The following GBE1 variants were observed in gnomAD, a reference collection of about 807,000 sequenced individuals.
The protein encoded by GBE1 is 1,4-alpha-glucan-branching enzyme.
Under a neutral mutation model 88.8 loss-of-function variants are expected in GBE1, and 70 were observed. That is an observed-to-expected ratio of 0.79 (90% CI 0.65 to 0.96). The LOEUF (loss-of-function observed/expected upper bound fraction) is 0.96. GBE1 is among the 40% of genes least tolerant of loss of function. The pLI is 0.00. For synonymous variants in GBE1, 284 were observed against 300.1 expected, an observed-to-expected ratio of 0.95 and a Z score of 0.56; for missense variants, 872 against 871.0, an observed-to-expected ratio of 1.00 and a Z score of -0.01.
intron 5 of GBE1, 68 bp from the exon 6 acceptor site, chr3:81,646,550 G>T: frequency 1.2e-6 from 1 of 839,928 alleles, no homozygotes. Flanking sequence ...GGGAAAAAAA[G>T]CATCCTTATT....
At chr3:81,598,584 T>A (rs1179503140) in intron 7 of GBE1, among the ~76,000 whole-genome samples, 1 of 151,956 alleles carries the variant, frequency 6.6e-6, no homozygotes, top group Non-Finnish European at 1.5e-5. Flanking sequence ...TCATAATTTG[T>A]ATAAGTTACA....
At position 81,578,049 on chromosome 3, in the gene GBE1, T is replaced by C. The variant is rs2106933905; in HGVS notation, c.1494A>G (p.Glu498=). The C allele has an allele frequency of 6.2e-7, 1 of 1,609,540 alleles. No homozygotes were observed. The highest frequency in any genetic ancestry group is 1.3e-5 in the African/African-American group (1 of 74,864). ...TCAGGACACTCATGTTTGTATACATTTCGGCATCCATCAACCAAAATGCCA... is the reference window on the plus strand; with the variant it reads ...TCAGGACACTCATGTTTGTATACATCTCGGCATCCATCAACCAAAATGCCA... The part of the protein sequence containing the change: ...KSLAFWLMDA[E]MYTNMSVLTP... The change falls in exon 12 of 16, where the codon GAA becomes GAG. Residue 498 remains glutamate, a synonymous_variant. Coordinates refer to ENST00000429644, the MANE Select transcript of GBE1 (RefSeq NM_000158.4).
At chr3:81,578,548 A>G (rs561533935) in intron 11 of GBE1, among the ~76,000 whole-genome samples, 1 of 151,418 alleles carries the variant, frequency 6.6e-6, no homozygotes, top group Admixed American at 6.6e-5. Flanking sequence ...TATGAGTAAT[A>G]TAATATGTGT....
intron 2 of GBE1, among the ~76,000 whole-genome samples, chr3:81,686,283 T>C (rs950139191): frequency 4.6e-5 from 7 of 152,028 alleles, no homozygotes; most frequent in African/African-American, 7.3e-5. Context: ...ATCTACAGCA[T>C]CTACTACAAC....
In GBE1 at chr3:81,761,468, G is replaced by C. The variant is rs1363157562; in HGVS notation, c.50C>G (p.Ala17Gly). ...PAARPEDYEA[A>G]LNAALADVPE... ...CACGTCAGCCAGGGCGGCATTGAGC[G>C]CCGCCTCGTAGTCCTCGGGCCGAGC... is the stretch of plus-strand genomic sequence containing the variant. The change falls in exon 1 of 16, where the codon GCG (alanine) becomes GGG (glycine). Residue 17 changes from alanine to glycine, a missense_variant. Physicochemically the swap from Ala to Gly is moderately conservative, Grantham distance 60. Transcript: ENST00000429644. 1 of 1,613,084 alleles carries C rather than the reference G, an allele frequency of 6.2e-7. No individual in the cohort carries two copies. Among genetic ancestry groups the C allele is most frequent in the Non-Finnish European group, 8.5e-7 (1 of 1,179,670 alleles).
intron 1 of GBE1, among the ~76,000 whole-genome samples, chr3:81,706,487 G>C (rs1324924686): frequency 6.6e-6 from 1 of 152,148 alleles, no homozygotes; most frequent in Non-Finnish European, 1.5e-5. Context: ...AGTAAACCAT[G>C]TGCCAGGTGC....
chr3:81,585,093 T>A (rs956316258), intron 10 of GBE1, among the ~76,000 whole-genome samples: 2 of 152,180 alleles, frequency 1.3e-5, no homozygotes, highest in African/African-American at 2.4e-5. Flanking sequence ...TTTGTTTTTA[T>A]GTTTTCTAAG....
intron 7 of GBE1, among the ~76,000 whole-genome samples, chr3:81,600,861 G>T (rs994441312): frequency 6.6e-6 from 1 of 152,022 alleles, no homozygotes; most frequent in East Asian, 1.9e-4. Flanking sequence ...GGTAGGGAAA[G>T]GTGAAAATAT....
intron 2 of GBE1, among the ~76,000 whole-genome samples, chr3:81,695,248 C>T (rs1705574837): frequency 6.6e-6 from 1 of 152,168 alleles, no homozygotes. Context: ...AGAAACAACC[C>T]AAATGACCAT....
chr3:81,751,823 T>C (rs1706531548), intron 1 of GBE1, among the ~76,000 whole-genome samples: 1 of 152,182 alleles, frequency 6.6e-6, no homozygotes, highest in African/African-American at 2.4e-5. Context: ...TCTGTACTGG[T>C]GTGTATATCT....
In GBE1 at chr3:81,646,391, C is replaced by A. The variant is rs772019263; in HGVS notation, c.782+1G>T. On this transcript the variant is annotated splice_donor_variant, in intron 6 of 15. Transcript: ENST00000429644. LOFTEE classifies it high-confidence loss of function. ...TGAACACAATGAGTCTCTGATTTTA[C>A]CTGGAAGCTGCAAAGAAGCTTGTGA... The A allele has an allele frequency of 6.4e-7, 1 of 1,574,366 alleles. No homozygotes were observed. The highest frequency in any genetic ancestry group is 1.2e-5 in the South Asian group (1 of 85,398).
At chr3:81,683,765 T>C (rs909068832) in intron 2 of GBE1, among the ~76,000 whole-genome samples, 12 of 152,208 alleles carry the variant, frequency 7.9e-5, no homozygotes, top group Non-Finnish European at 1.5e-4. Flanking sequence ...CAATGCCCTA[T>C]GTTATTATTT....
intron 2 of GBE1, among the ~76,000 whole-genome samples, chr3:81,686,613 G>A (rs924800707): frequency 6.6e-6 from 1 of 152,016 alleles, no homozygotes; most frequent in South Asian, 2.1e-4. Context: ...AAAATTACCC[G>A]TGTATGGTGG....
chr3:81,620,787 T>C (rs1704318244), intron 7 of GBE1, among the ~76,000 whole-genome samples: 3 of 152,112 alleles, frequency 2.0e-5, no homozygotes, highest in African/African-American at 7.2e-5. Context: ...GCGGGAAGAA[T>C]GTCAACCAGG....
intron 6 of GBE1, 45 bp from the exon 7 acceptor site, chr3:81,643,035 GAGGAAAC>G: frequency 7.7e-7 from 1 of 1,293,126 alleles, no homozygotes; most frequent in Non-Finnish European, 1.1e-6. Flanking sequence ...ATCACATTTA[GAGGAAAC>G]AGCCGATTGT....
At chr3:81,702,669 T>C (rs1229648690) in intron 2 of GBE1, among the ~76,000 whole-genome samples, 1 of 152,034 alleles carries the variant, frequency 6.6e-6, no homozygotes, top group Non-Finnish European at 1.5e-5. Flanking sequence ...TTTGAAATTA[T>C]GCAATACATC....
chr3:81,524,213 T>C (rs898919750), intron 14 of GBE1, among the ~76,000 whole-genome samples: 6 of 151,900 alleles, frequency 3.9e-5, no homozygotes, highest in Admixed American at 2.6e-4. Flanking sequence ...AGATTTCTCA[T>C]TGTAGGTTTG....
chr3:81,537,161 A>G, intron 12 of GBE1, 66 bp from the exon 13 acceptor site: 1 of 970,208 alleles, frequency 1.0e-6, no homozygotes, highest in South Asian at 2.5e-5. Context: ...ATAATAAATC[A>G]ATAATTATAT....
At chr3:81,706,757 T>C (rs1472468654) in intron 1 of GBE1, among the ~76,000 whole-genome samples, 1 of 151,686 alleles carries the variant, frequency 6.6e-6, no homozygotes. Flanking sequence ...CTCAAAAGAA[T>C]AAGAGCTGAA....
Sources: allele counts gnomAD v4.1 joint callset (sites outside exome capture counted in the v4.1 genomes callset), GRCh38; gene constraint gnomAD v4.1.1; transcripts MANE v1.5; gene names NCBI Gene and HGNC (gene_info 2026-07-23, HGNC 2026-07-21).